LRP1B: variants seen among roughly 807,000 people sequenced by gnomAD.
LRP1B encodes low-density lipoprotein receptor-related protein 1B.
A neutral mutation model predicts 556.6 loss-of-function variants in LRP1B; 217 were observed. The observed-to-expected ratio is 0.39, with a 90% CI of 0.35 to 0.44. LRP1B has a LOEUF of 0.44. Among genes scored for constraint, LRP1B ranks in the 20% least tolerant of loss-of-function variants. The pLI, the probability that LRP1B is intolerant of heterozygous loss-of-function variation, is 1.00. For missense variants in LRP1B, 5,053 were observed against 5,620.8 expected, an observed-to-expected ratio of 0.90 and a Z score of 3.23; for synonymous variants, 2,047 against 1,865.8, an observed-to-expected ratio of 1.10 and a Z score of -2.50.
chr2:142,014,141 T>C (rs2105161134), intron 1 of LRP1B, among the ~76,000 whole-genome samples: 1 of 152,248 alleles, frequency 6.6e-6, no homozygotes, highest in Non-Finnish European at 1.5e-5. Flanking sequence ...AATTCCCTAC[T>C]CCGTCTGTGG....
chr2:140,506,489 C>G (rs1689418382), intron 53 of LRP1B, among the ~76,000 whole-genome samples: 1 of 152,116 alleles, frequency 6.6e-6, no homozygotes, highest in Non-Finnish European at 1.5e-5. Flanking sequence ...GGTGATCCAC[C>G]CGCCTCAGCC....
intron 3 of LRP1B, among the ~76,000 whole-genome samples, chr2:141,275,197 T>A (rs1685239454): frequency 6.6e-6 from 1 of 152,150 alleles, no homozygotes; most frequent in South Asian, 2.1e-4. Context: ...TTTAAAATAG[T>A]AAAGTAAATA....
At chr2:140,460,590 CAG>C (rs1344455461) in intron 60 of LRP1B, among the ~76,000 whole-genome samples, 1 of 152,052 alleles carries the variant, frequency 6.6e-6, no homozygotes, top group East Asian at 1.9e-4. Context: ...GCTTAACTAA[CAG>C]AGAAATGTGA....
intron 3 of LRP1B, among the ~76,000 whole-genome samples, chr2:141,394,920 A>G (rs1452695139): frequency 7.9e-5 from 12 of 152,094 alleles, no homozygotes; most frequent in Admixed American, 7.9e-4. Flanking sequence ...ACAGTCAAGA[A>G]ACTTGAATGT....
At chr2:141,836,713 T>C (rs1309242778) in intron 1 of LRP1B, among the ~76,000 whole-genome samples, 1 of 152,032 alleles carries the variant, frequency 6.6e-6, no homozygotes, top group Non-Finnish European at 1.5e-5. Flanking sequence ...TTGCAATATA[T>C]TTGTGCGGAA....
At chr2:140,715,238 A>G (rs1687166874) in intron 37 of LRP1B, among the ~76,000 whole-genome samples, 1 of 152,050 alleles carries the variant, frequency 6.6e-6, no homozygotes, top group Admixed American at 6.6e-5. Flanking sequence ...AAAGATTTTA[A>G]GTAAGCAGAT....
intron 41 of LRP1B, among the ~76,000 whole-genome samples, chr2:140,649,825 T>G (rs1400197807): frequency 6.6e-6 from 1 of 152,206 alleles, no homozygotes; most frequent in Non-Finnish European, 1.5e-5. Flanking sequence ...TTTGACTCCT[T>G]AAGAAGACAG....
At chr2:140,607,565 C>A (rs142866785) in intron 41 of LRP1B, among the ~76,000 whole-genome samples, 39 of 152,030 alleles carry the variant, frequency 2.6e-4, no homozygotes, top group Middle Eastern at 6.8e-3. Flanking sequence ...AGTACATCCA[C>A]GCTTGGAATT....
chr2:140,644,756 G>A (rs990518876), intron 41 of LRP1B, among the ~76,000 whole-genome samples: 9 of 152,024 alleles, frequency 5.9e-5, no homozygotes, highest in African/African-American at 1.4e-4. Context: ...TGCAAACTTC[G>A]CTGTCCTGGT....
chr2:141,619,508 C>T (rs1688427370), intron 2 of LRP1B, among the ~76,000 whole-genome samples: 1 of 152,164 alleles, frequency 6.6e-6, no homozygotes, highest in South Asian at 2.1e-4. Context: ...GGTGATTCTG[C>T]AATTCAATTA....
intron 6 of LRP1B, among the ~76,000 whole-genome samples, chr2:141,193,102 A>C (rs1194216191): frequency 6.6e-6 from 1 of 152,038 alleles, no homozygotes; most frequent in Non-Finnish European, 1.5e-5. Flanking sequence ...GCAAGGTTGC[A>C]GAGAAAAGGG....
intron 2 of LRP1B, among the ~76,000 whole-genome samples, chr2:141,725,398 GCTCA>G (rs1408084601): frequency 6.6e-6 from 1 of 151,816 alleles, no homozygotes; most frequent in East Asian, 1.9e-4. Context: ...AGTGTGAAAT[GCTCA>G]CTGATTAAAA....
chr2:140,806,267 G>A (rs925152389), intron 32 of LRP1B, among the ~76,000 whole-genome samples: 1 of 151,716 alleles, frequency 6.6e-6, no homozygotes, highest in African/African-American at 2.4e-5. Flanking sequence ...AGCAGCCCAA[G>A]GTAAGACATA....
intron 2 of LRP1B, among the ~76,000 whole-genome samples, chr2:141,650,408 A>G (rs1689741706): frequency 6.6e-6 from 1 of 152,182 alleles, no homozygotes; most frequent in South Asian, 2.1e-4. Flanking sequence ...GAGAGGCAGC[A>G]GAGCCAGTTG....
At chr2:140,558,501 C>T (rs1455257744) in intron 43 of LRP1B, among the ~76,000 whole-genome samples, 2 of 151,982 alleles carry the variant, frequency 1.3e-5, no homozygotes, top group Non-Finnish European at 2.9e-5. Flanking sequence ...TCAGAAAGGA[C>T]CACATATTAT....
At chr2:140,463,148 GA>G (rs1687392756) in intron 60 of LRP1B, among the ~76,000 whole-genome samples, 1 of 152,104 alleles carries the variant, frequency 6.6e-6, no homozygotes, top group Non-Finnish European at 1.5e-5. Flanking sequence ...ACGTGACAAA[GA>G]AAGTGGAAGA....
chr2:142,065,595 C>T (rs533754282), intron 1 of LRP1B, among the ~76,000 whole-genome samples: 2 of 151,420 alleles, frequency 1.3e-5, no homozygotes, highest in South Asian at 4.2e-4. Context: ...CATCTTCCAC[C>T]TTAATTCCCC....
intron 3 of LRP1B, among the ~76,000 whole-genome samples, chr2:141,359,267 G>GA (rs60786833): frequency 0.52 from 63,792 of 123,178 alleles, 16,538 homozygotes; most frequent in Non-Finnish European, 0.61. Flanking sequence ...CAAAATAAAT[G>GA]AAAAAAAAAA....
chr2:140,324,672 T>TTATAGAATTATTC (rs1553447484), intron 80 of LRP1B, among the ~76,000 whole-genome samples: 2 of 152,070 alleles, frequency 1.3e-5, no homozygotes, highest in African/African-American at 4.8e-5. Context: ...TTCAGAGATT[T>TTATAGAATTATTC]TATAGAATAA....
Sources: allele counts gnomAD v4.1 joint callset (sites outside exome capture counted in the v4.1 genomes callset), GRCh38; gene constraint gnomAD v4.1.1; transcripts MANE v1.5; gene names NCBI Gene and HGNC (gene_info 2026-07-23, HGNC 2026-07-21).